The following EDIL3 variants were observed in gnomAD, a reference collection of about 807,000 sequenced individuals.
EDIL3 encodes the protein EGF-like repeat and discoidin I-like domain-containing protein 3.
EDIL3 carries 37 observed loss-of-function variants against 67.4 expected under a neutral mutation model. That is an observed-to-expected ratio of 0.55 (90% CI 0.42 to 0.72). The LOEUF (loss-of-function observed/expected upper bound fraction) is 0.72. Among genes scored for constraint, EDIL3 ranks in the 30% least tolerant of loss-of-function variants. EDIL3 has a pLI of 0.00. For missense variants in EDIL3, 527 were observed against 586.3 expected (o/e 0.90, Z 1.04); for synonymous variants, 195 against 196.3 (o/e 0.99, Z 0.05).
intron 2 of EDIL3, among the ~76,000 whole-genome samples, chr5:84,249,754 T>C (rs1744986086): frequency 6.6e-6 from 1 of 152,172 alleles, no homozygotes; most frequent in Non-Finnish European, 1.5e-5. Flanking sequence ...GCCACAGAAC[T>C]TGTACAATTT....
At chr5:84,193,063 A>G (rs1743624731) in intron 3 of EDIL3, among the ~76,000 whole-genome samples, 1 of 152,008 alleles carries the variant, frequency 6.6e-6, no homozygotes, top group African/African-American at 2.4e-5. Flanking sequence ...ACAGGGACCA[A>G]ACCGGGCAGC....
intron 1 of EDIL3, among the ~76,000 whole-genome samples, chr5:84,298,008 C>A (rs1025272238): frequency 2.6e-5 from 4 of 152,114 alleles, no homozygotes; most frequent in African/African-American, 9.7e-5. Flanking sequence ...GGGTTTTAGA[C>A]CCCGGACCCC....
At chr5:84,006,094 T>TAATAAC (rs1399535870) in intron 9 of EDIL3, among the ~76,000 whole-genome samples, 1 of 148,562 alleles carries the variant, frequency 6.7e-6, no homozygotes, top group Non-Finnish European at 1.5e-5. Flanking sequence ...ATAATAATAA[T>TAATAAC]AATAATAATA....
intron 1 of EDIL3, among the ~76,000 whole-genome samples, chr5:84,336,716 A>G (rs1480082019): frequency 6.6e-6 from 1 of 152,170 alleles, no homozygotes; most frequent in African/African-American, 2.4e-5. Flanking sequence ...TTTAATCTAC[A>G]GTAATAATTG....
intron 9 of EDIL3, 74 bp downstream of exon 9, chr5:84,060,224 GAC>G: frequency 6.5e-7 from 1 of 1,536,992 alleles, no homozygotes. Context: ...TAACGACTCT[GAC>G]ACTCACCTAA....
chr5:84,174,121 G>A (rs187128480), intron 4 of EDIL3, among the ~76,000 whole-genome samples: 4 of 152,320 alleles, frequency 2.6e-5, no homozygotes, highest in Admixed American at 2.0e-4. Context: ...CCTACTGTGA[G>A]GGTGGAGACA....
At chr5:84,335,465 T>C (rs1392459) in intron 1 of EDIL3, among the ~76,000 whole-genome samples, 150,739 of 152,202 alleles carry the variant, frequency 0.99, 74,701 homozygotes, top group Non-Finnish European at 1. Flanking sequence ...TATATTTGTA[T>C]CGGAAGGCAA....
chr5:84,072,980 C>T (rs892600776), intron 6 of EDIL3, among the ~76,000 whole-genome samples: 3 of 152,120 alleles, frequency 2.0e-5, no homozygotes, highest in Admixed American at 2.0e-4. Context: ...AAGAACACCA[C>T]AGGTAAAGTT....
intron 9 of EDIL3, among the ~76,000 whole-genome samples, chr5:83,997,166 A>C (rs2112165414): frequency 6.6e-6 from 1 of 152,326 alleles, no homozygotes; most frequent in Non-Finnish European, 1.5e-5. Flanking sequence ...GATAATATTA[A>C]GTTGATAATC....
intron 5 of EDIL3, among the ~76,000 whole-genome samples, chr5:84,109,911 T>C (rs1435579084): frequency 1.3e-5 from 2 of 152,200 alleles, no homozygotes; most frequent in Admixed American, 6.5e-5. Context: ...ACTTAACTTA[T>C]CAGTTGTGAA....
At chr5:84,068,333 A>C (rs1222228998) in intron 6 of EDIL3, among the ~76,000 whole-genome samples, 1 of 152,120 alleles carries the variant, frequency 6.6e-6, no homozygotes, top group Non-Finnish European at 1.5e-5. Flanking sequence ...CCCATTTTGG[A>C]AGCCAAGTTT....
intron 4 of EDIL3, among the ~76,000 whole-genome samples, chr5:84,141,491 A>T (rs1748187543): frequency 6.8e-6 from 1 of 147,012 alleles, no homozygotes; most frequent in Admixed American, 6.9e-5. Flanking sequence ...TTTCATAATT[A>T]TATATATTAT....
At chr5:84,140,015 G>A (rs1000267991) in intron 4 of EDIL3, among the ~76,000 whole-genome samples, 4 of 152,120 alleles carry the variant, frequency 2.6e-5, no homozygotes, top group Non-Finnish European at 5.9e-5. Flanking sequence ...AACCCTTAGT[G>A]CAGGCTGAGG....
intron 6 of EDIL3, among the ~76,000 whole-genome samples, chr5:84,082,972 A>G (rs1195805456): frequency 2.0e-5 from 3 of 152,240 alleles, no homozygotes; most frequent in African/African-American, 7.2e-5. Flanking sequence ...GTCCCCTGAT[A>G]CAAAAGATTC....
chr5:84,382,436 G>C (rs1327990608), intron 1 of EDIL3, among the ~76,000 whole-genome samples: 1 of 151,922 alleles, frequency 6.6e-6, no homozygotes, highest in African/African-American at 2.4e-5. Flanking sequence ...AGGCAAGCGC[G>C]GCCACATAGG....
intron 9 of EDIL3, among the ~76,000 whole-genome samples, chr5:83,969,551 T>A (rs1280964892): frequency 6.6e-6 from 1 of 151,798 alleles, no homozygotes; most frequent in Non-Finnish European, 1.5e-5. Flanking sequence ...TCTTTTACTA[T>A]CAGAAGAAAA....
intron 10 of EDIL3, among the ~76,000 whole-genome samples, chr5:83,948,359 T>G (rs1406264683): frequency 1.3e-5 from 2 of 151,764 alleles, no homozygotes; most frequent in Non-Finnish European, 2.9e-5. Flanking sequence ...TTTTTTTGAC[T>G]GTCAAAAATT....
chr5:84,019,508 C>T (rs894569889), intron 9 of EDIL3, among the ~76,000 whole-genome samples: 1 of 151,736 alleles, frequency 6.6e-6, no homozygotes, highest in African/African-American at 2.4e-5. Context: ...CAAACCTGCA[C>T]GTTCTGCACA....
chr5:84,384,518 A>C lies in EDIL3; in HGVS notation c.-144T>G. ...GTTCTCTTTCCTCAGCGCTTTGTTA[A>C]ACAAATTCTTGGAGAGGGCGAGAGT... On this transcript the variant is annotated 5_prime_UTR_variant, in exon 1 of 11. Coordinates refer to ENST00000296591, the MANE Select transcript of EDIL3 (RefSeq NM_005711.5). The C allele has an allele frequency of 1.3e-6, 1 of 749,444 alleles. No homozygotes were observed. Among genetic ancestry groups the C allele is most frequent in the Non-Finnish European group, 2.1e-6 (1 of 467,156 alleles). 46.4% of individuals were successfully genotyped at this position (749,444 alleles called of 1,614,324 possible).
Sources: gnomAD v4.1 joint callset for allele counts (sites outside exome capture counted in the v4.1 genomes callset) on GRCh38, gnomAD v4.1.1 for gene constraint, MANE v1.5 for transcripts, NCBI Gene and HGNC (gene_info 2026-07-23, HGNC 2026-07-21) for gene names.